Variants in CREBBP observed in about 807,000 individuals in gnomAD.
CREBBP encodes the protein CREB binding lysine acetyltransferase.
In CREBBP, 19 loss-of-function variants were observed where a neutral mutation model predicts 265.0. That is an observed-to-expected ratio of 0.07 (90% confidence interval 0.05 to 0.11). The LOEUF is 0.11. Ranked by LOEUF, CREBBP falls within the 10% of genes least tolerant of loss-of-function variation. The probability of loss-of-function intolerance (pLI) is 1.00; values close to 1 mark genes in which losing one functional copy is unlikely to be tolerated. For missense variants in CREBBP, 2,525 were observed against 3,219.0 expected (o/e 0.78, Z 5.22); for synonymous variants, 1,457 against 1,223.7 (o/e 1.19, Z -3.98).
At chr16:3,852,157 GTTTTTTT>G (rs910861282) in intron 1 of CREBBP, among the ~76,000 whole-genome samples, 11 of 50,878 alleles carry the variant, frequency 2.2e-4, no homozygotes, top group Non-Finnish European at 2.9e-4. Flanking sequence ...TCTTAAATTT[GTTTTTTT>G]TTTTTTTTTT....
chr16:3,774,614 T>G lies in CREBBP; in HGVS notation c.2238A>C (p.Pro746=). ...TGTTCATCTGGACAGAGTGGTTCAT[T>G]GGGGAGGCTGCACGAGGTCCCATGG... The part of the protein sequence containing the change: ...QAPMGPRAAS[P]MNHSVQMNSM... The change falls in exon 12 of 31, where the codon CCA becomes CCC. Residue 746 remains proline (P), a synonymous_variant. Transcript: ENST00000262367. 6.2e-7 allele frequency: 1 copy of G among 1,614,106 alleles called. No individual in the cohort carries two copies.
intron 2 of CREBBP, among the ~76,000 whole-genome samples, chr16:3,819,001 C>G (rs2054092291): frequency 6.6e-6 from 1 of 152,266 alleles, no homozygotes; most frequent in South Asian, 2.1e-4. Flanking sequence ...CCGCTTAACG[C>G]AACTCTGTCT....
In CREBBP at chr16:3,880,590, G is replaced by A. The variant is rs947674846; in HGVS notation, c.-674C>T. On this transcript the variant is annotated 5_prime_UTR_variant, in exon 1 of 31. Coordinates refer to ENST00000262367, the MANE Select transcript of CREBBP (RefSeq NM_004380.3). Reference sequence around the variant, plus strand: ...GCGGGCGCCGAGGGCCGGGCGGAGCGGGCCGGCCGGGCGGAGCGGGGTGCG... The same window carrying A: ...GCGGGCGCCGAGGGCCGGGCGGAGCAGGCCGGCCGGGCGGAGCGGGGTGCG... 2.0e-5 allele frequency: 3 copies of A among 146,412 alleles called. No homozygotes were observed. Among genetic ancestry groups the A allele is most frequent in the Non-Finnish European group, 4.6e-5 (3 of 65,914 alleles). 9.1% of individuals were successfully genotyped at this position (146,412 alleles called of 1,614,324 possible). A position where few individuals can be genotyped will look rare whatever the true frequency, so the allele number is the denominator to read the frequency against.
intron 10 of CREBBP, 141 bp from the exon 11 acceptor site, chr16:3,777,798 A>C (rs2053179879): frequency 3.6e-6 from 4 of 1,106,678 alleles, no homozygotes; most frequent in Non-Finnish European, 5.4e-6. Flanking sequence ...CGTGTGTTCC[A>C]ATGCCAGCGC....
At chr16:3,845,838 G>T (rs991886684) in intron 2 of CREBBP, among the ~76,000 whole-genome samples, 5 of 144,062 alleles carry the variant, frequency 3.5e-5, no homozygotes, top group Non-Finnish European at 7.5e-5. Flanking sequence ...AGTGAGCTGA[G>T]ATCATGCTAC....
At chr16:3,808,427 C>T (rs926742551) in intron 3 of CREBBP, among the ~76,000 whole-genome samples, 4 of 152,228 alleles carry the variant, frequency 2.6e-5, no homozygotes, top group African/African-American at 9.6e-5. Context: ...GCCCAACATC[C>T]TCTGGGGCAC....
chr16:3,736,277 A>T, intron 27 of CREBBP, 74 bp from the exon 28 acceptor site: 1 of 1,474,190 alleles, frequency 6.8e-7, no homozygotes, highest in Non-Finnish European at 9.5e-7. Context: ...ACAGACCCCC[A>T]CGCAAGCGTG....
At chr16:3,730,073 GGGATGGGATCATGGACA>G (rs1384374768) in intron 30 of CREBBP, among the ~76,000 whole-genome samples, 199 bp from the exon 31 acceptor site, 1 of 151,668 alleles carries the variant, frequency 6.6e-6, no homozygotes, top group Non-Finnish European at 1.5e-5. Flanking sequence ...GATCATGGAC[GGGATGGGATCATGGACA>G]ACATGGGATC....
intron 2 of CREBBP, among the ~76,000 whole-genome samples, chr16:3,818,885 C>T (rs966927023): frequency 6.6e-6 from 1 of 152,166 alleles, no homozygotes; most frequent in Admixed American, 6.5e-5. Context: ...GAGGAAGGGG[C>T]CCCCCGGAAA....
chr16:3,844,525 A>G lies in CREBBP; in HGVS notation c.798+5772T>C, dbSNP rs557805187. On this transcript the variant is annotated intron_variant, in intron 2 of 30. Coordinates refer to ENST00000262367, the MANE Select transcript of CREBBP (RefSeq NM_004380.3). ...TATGCCCCAATTTTAAAAGAAATAT[A>G]CTACTGACTACAAACCAAAGCTCAC... 3.3e-5 allele frequency among the ~76,000 whole-genome samples: 5 copies of G among 152,350 alleles called. No individual in the cohort carries two copies. The South Asian group carries it at 1.0e-3, about 32-fold the overall frequency.
chr16:3,788,798 A>G (rs182303658), intron 5 of CREBBP, among the ~76,000 whole-genome samples: 32 of 152,334 alleles, frequency 2.1e-4, no homozygotes, highest in African/African-American at 7.2e-4. Flanking sequence ...CAAAAAATAC[A>G]AAAATTAGCC....
At chr16:3,817,205 G>C (rs1021399828) in intron 2 of CREBBP, among the ~76,000 whole-genome samples, 1 of 152,038 alleles carries the variant, frequency 6.6e-6, no homozygotes, top group African/African-American at 2.4e-5. Context: ...TACATCTTTG[G>C]GCCAGGAAAA....
chr16:3,795,365 C>T (rs772600474), intron 3 of CREBBP, among the ~76,000 whole-genome samples: 2 of 152,114 alleles, frequency 1.3e-5, no homozygotes, highest in South Asian at 2.1e-4. Flanking sequence ...ACTACTAAAG[C>T]GTTGATAGGT....
intron 5 of CREBBP, chr16:3,791,214 G>A (rs2053499817): frequency 6.5e-6 from 1 of 152,956 alleles, no homozygotes. Context: ...CAGGAAGATG[G>A]TTGAAAAACG....
chr16:3,808,333 T>C lies in CREBBP; in HGVS notation c.975+2270A>G, dbSNP rs561876577. ...AGGGGCGACTATGCCCTGGAGAACA[T>C]ATGTTGGTGCCTTGAGCCATTTTTG... is the stretch of plus-strand genomic sequence containing the variant. On this transcript the variant is annotated intron_variant, in intron 3 of 30. Transcript: ENST00000262367. Among the ~76,000 whole-genome samples, 6 of 152,360 alleles carry C rather than the reference T, an allele frequency of 3.9e-5. No homozygotes were observed. In the South Asian group the frequency reaches 1.0e-3, roughly 26 times the overall value.
At chr16:3,745,742 T>G (rs955662323) in intron 21 of CREBBP, 2 of 350,976 alleles carry the variant, frequency 5.7e-6, no homozygotes, top group African/African-American at 4.2e-5. Context: ...ACTTAAAAAA[T>G]AGAGAACAAT....
chr16:3,747,649 T>A (rs544016584), intron 21 of CREBBP, among the ~76,000 whole-genome samples: 10 of 152,208 alleles, frequency 6.6e-5, no homozygotes, highest in Non-Finnish European at 1.3e-4. Flanking sequence ...TTGAATGTAA[T>A]ATATTTTGAA....
Position 3,853,216 on chromosome 16 carries a change from G to A in CREBBP, c.86-2207C>T, listed in dbSNP as rs563146007. 5.9e-5 allele frequency among the ~76,000 whole-genome samples: 9 copies of A among 152,276 alleles called. No individual in the cohort carries two copies. The East Asian group carries it at 1.7e-3, about 29-fold the overall frequency. On this transcript the variant is annotated intron_variant, in intron 1 of 30. Coordinates refer to ENST00000262367, the MANE Select transcript of CREBBP (RefSeq NM_004380.3). ...AAATGAATAAGTAAGTGTAAAACAC[G>A]ACTGAGAACAAACAGTGCCTATGGG...
intron 19 of CREBBP, among the ~76,000 whole-genome samples, chr16:3,757,034 T>C (rs931341978): frequency 2.0e-5 from 3 of 152,110 alleles, no homozygotes; most frequent in African/African-American, 7.2e-5. Flanking sequence ...CCACTTTTTC[T>C]CTTTTTTTTT....
Sources: gnomAD v4.1 joint callset for allele counts (sites outside exome capture counted in the v4.1 genomes callset) on GRCh38, gnomAD v4.1.1 for gene constraint, MANE v1.5 for transcripts, NCBI Gene and HGNC (gene_info 2026-07-23, HGNC 2026-07-21) for gene names.